Variants in DGKB observed in about 807,000 individuals in gnomAD.
DGKB encodes 90 kDa diacylglycerol kinase.
Under a neutral mutation model 114.3 loss-of-function variants are expected in DGKB, and 67 were observed. The observed-to-expected ratio is 0.59, with a 90% CI of 0.48 to 0.72. DGKB has a LOEUF of 0.72. DGKB is among the 30% of genes least tolerant of loss of function. The pLI, the probability that DGKB is intolerant of heterozygous loss-of-function variation, is 0.00. For missense variants in DGKB, 907 were observed against 975.2 expected, an observed-to-expected ratio of 0.93 and a Z score of 0.93; for synonymous variants, 398 against 323.1, an observed-to-expected ratio of 1.23 and a Z score of -2.49.
chr7:14,653,507 G>C (rs1222111389), intron 13 of DGKB, among the ~76,000 whole-genome samples: 1 of 151,974 alleles, frequency 6.6e-6, no homozygotes, highest in Non-Finnish European at 1.5e-5. Flanking sequence ...GACTGTTGTG[G>C]GGTGGGGGTA....
At chr7:14,707,336 A>T (rs1826468969) in intron 6 of DGKB, among the ~76,000 whole-genome samples, 3 of 150,426 alleles carry the variant, frequency 2.0e-5, no homozygotes, top group South Asian at 4.3e-4. Context: ...TAGTTTACCA[A>T]CCAAAAAGAG....
At chr7:14,850,308 G>C (rs1586904767) in intron 1 of DGKB, among the ~76,000 whole-genome samples, 1 of 151,634 alleles carries the variant, frequency 6.6e-6, no homozygotes, top group East Asian at 2.0e-4. Flanking sequence ...GACAGAAGTA[G>C]TTATCCAGAG....
At chr7:14,404,324 G>A (rs1412896753) in intron 21 of DGKB, among the ~76,000 whole-genome samples, 1 of 151,678 alleles carries the variant, frequency 6.6e-6, no homozygotes, top group Non-Finnish European at 1.5e-5. Flanking sequence ...AACAAGAAAT[G>A]TTATCATGAC....
At chr7:14,862,057 A>G (rs796245223) in intron 1 of DGKB, among the ~76,000 whole-genome samples, 2 of 152,086 alleles carry the variant, frequency 1.3e-5, no homozygotes, top group African/African-American at 4.8e-5. Context: ...AGTCAACATG[A>G]TCCATATGAA....
chr7:14,838,357 T>A, intron 2 of DGKB, among the ~76,000 whole-genome samples: 1 of 152,304 alleles, frequency 6.6e-6, no homozygotes, highest in Non-Finnish European at 1.5e-5. Flanking sequence ...TTTATAGTAA[T>A]GTTTCATATA....
At chr7:14,662,906 T>C (rs1481787678) in intron 13 of DGKB, among the ~76,000 whole-genome samples, 2 of 152,010 alleles carry the variant, frequency 1.3e-5, no homozygotes, top group Non-Finnish European at 2.9e-5. Flanking sequence ...AGTTATGGTA[T>C]GATAAAATGT....
At chr7:14,810,079 T>A (rs921876619) in intron 2 of DGKB, among the ~76,000 whole-genome samples, 1 of 152,166 alleles carries the variant, frequency 6.6e-6, no homozygotes. Flanking sequence ...TTTATCTAAG[T>A]TTTTCCTGGA....
chr7:14,648,507 T>A (rs1020366374), intron 13 of DGKB, among the ~76,000 whole-genome samples: 2 of 80,446 alleles, frequency 2.5e-5, no homozygotes, highest in African/African-American at 7.3e-5. Flanking sequence ...ATCACCATCA[T>A]CAAACACCAA....
intron 1 of DGKB, among the ~76,000 whole-genome samples, chr7:14,951,816 G>C (rs1786214808): frequency 1.3e-5 from 2 of 151,708 alleles, no homozygotes; most frequent in South Asian, 4.2e-4. Context: ...ACATTAAAGT[G>C]CTCAAATAAT....
chr7:14,261,487 T>C (rs1385322665), intron 23 of DGKB, among the ~76,000 whole-genome samples: 2 of 152,136 alleles, frequency 1.3e-5, no homozygotes, highest in East Asian at 3.8e-4. Context: ...AACAGAACTT[T>C]TAGACACATT....
chr7:14,331,756 A>T (rs1265150035), intron 23 of DGKB, among the ~76,000 whole-genome samples: 1 of 152,174 alleles, frequency 6.6e-6, no homozygotes, highest in Non-Finnish European at 1.5e-5. Context: ...AGTTTTGCCA[A>T]GCTTTCACAG....
intron 21 of DGKB, among the ~76,000 whole-genome samples, chr7:14,380,014 T>C (rs1819187665): frequency 1.3e-5 from 2 of 152,188 alleles, no homozygotes; most frequent in Admixed American, 1.3e-4. Context: ...TTGGTAATTG[T>C]AAAGTCCAGC....
chr7:14,622,373 T>C (rs1403997201), intron 14 of DGKB, among the ~76,000 whole-genome samples: 2 of 152,096 alleles, frequency 1.3e-5, no homozygotes, highest in East Asian at 3.9e-4. Context: ...CATCTCTATC[T>C]ACCCTCACTC....
chr7:14,767,068 A>T (rs577788340), intron 2 of DGKB, among the ~76,000 whole-genome samples: 1 of 151,742 alleles, frequency 6.6e-6, no homozygotes, highest in Non-Finnish European at 1.5e-5. Flanking sequence ...ATTCAAAAAC[A>T]ATTTTTTGCC....
Position 14,873,774 on chromosome 7 carries a change from C to T in DGKB, c.-188+28818G>A, listed in dbSNP as rs542233122. On this transcript the variant is annotated intron_variant, in intron 1 of 25. Coordinates refer to ENST00000402815, the MANE Select transcript of DGKB (RefSeq NM_001350709.2). Reference sequence around the variant, plus strand: ...CTTATATTCCAAAATTATAGATTCACGATTGCCAAAAGTCTGAATTAAGTG... The same window carrying T: ...CTTATATTCCAAAATTATAGATTCATGATTGCCAAAAGTCTGAATTAAGTG... 1.7e-4 allele frequency among the ~76,000 whole-genome samples: 26 copies of T among 151,892 alleles called. No homozygotes were observed. The East Asian group carries it at 4.8e-3, about 28-fold the overall frequency.
At chr7:14,817,924 A>G (rs181103005) in intron 2 of DGKB, among the ~76,000 whole-genome samples, 1 of 129,232 alleles carries the variant, frequency 7.7e-6, no homozygotes, top group Non-Finnish European at 1.6e-5. Flanking sequence ...AGCAAGAATC[A>G]ATTCTGGTGA....
chr7:14,248,364 T>C (rs930487476), intron 23 of DGKB, among the ~76,000 whole-genome samples: 1 of 152,108 alleles, frequency 6.6e-6, no homozygotes, highest in African/African-American at 2.4e-5. Context: ...AGTTTTAGGA[T>C]TGTGTTTTCT....
At chr7:14,289,021 C>T (rs986340658) in intron 23 of DGKB, among the ~76,000 whole-genome samples, 9 of 152,158 alleles carry the variant, frequency 5.9e-5, no homozygotes, top group Non-Finnish European at 1.0e-4. Flanking sequence ...CTGTTTGTAG[C>T]ATGCTGTTCT....
chr7:14,240,417 G>A (rs772383783), intron 23 of DGKB, among the ~76,000 whole-genome samples: 4 of 152,052 alleles, frequency 2.6e-5, no homozygotes, highest in Non-Finnish European at 5.9e-5. Flanking sequence ...CATCTTTGGA[G>A]TGCTAAAGCT....
Sources: gnomAD v4.1 joint callset for allele counts (sites outside exome capture counted in the v4.1 genomes callset) on GRCh38, gnomAD v4.1.1 for gene constraint, MANE v1.5 for transcripts, NCBI Gene and HGNC (gene_info 2026-07-23, HGNC 2026-07-21) for gene names.